Variants in ADAM28 observed in about 807,000 individuals in gnomAD.
ADAM28 encodes the protein disintegrin and metalloproteinase domain-containing protein 28.
ADAM28 carries 105 observed loss-of-function variants against 101.2 expected under a neutral mutation model. The observed-to-expected ratio is 1.04, with a 90% CI of 0.89 to 1.22. The LOEUF (loss-of-function observed/expected upper bound fraction) is 1.22, where lower values mean the gene tolerates loss of function less well. Among genes scored for constraint, ADAM28 ranks in the 50% most tolerant of loss-of-function variants. The probability of loss-of-function intolerance (pLI) is 0.00; values close to 1 mark genes in which losing one functional copy is unlikely to be tolerated. For missense variants in ADAM28, 1,028 were observed against 945.4 expected (o/e 1.09, Z -1.15); for synonymous variants, 322 against 310.6 (o/e 1.04, Z -0.39).
intron 15 of ADAM28, among the ~76,000 whole-genome samples, chr8:24,340,705 C>T (rs1224571980): frequency 1.3e-5 from 2 of 152,098 alleles, no homozygotes; most frequent in African/African-American, 4.8e-5. Context: ...TCCTTTATCG[C>T]TTTACCTAAG....
chr8:24,312,742 T>G (rs1383075366), intron 5 of ADAM28, among the ~76,000 whole-genome samples: 5 of 151,830 alleles, frequency 3.3e-5, no homozygotes, highest in Admixed American at 6.6e-5. Context: ...TGTCTTTATT[T>G]TTGCTGTCTA....
chr8:24,316,811 A>G (rs11991134), intron 6 of ADAM28, among the ~76,000 whole-genome samples: 27,790 of 151,926 alleles, frequency 0.18, 2,730 homozygotes, highest in East Asian at 0.34. Context: ...TCTACCTGTA[A>G]AAAACCCTAA....
intron 2 of ADAM28, among the ~76,000 whole-genome samples, chr8:24,303,962 T>C: frequency 6.6e-6 from 1 of 152,012 alleles, no homozygotes; most frequent in East Asian, 1.9e-4. Flanking sequence ...TGTGGAAATT[T>C]ACACTAATTA....
chr8:24,353,034 A>G (rs945212988), intron 21 of ADAM28, among the ~76,000 whole-genome samples: 2 of 152,148 alleles, frequency 1.3e-5, no homozygotes, highest in Non-Finnish European at 2.9e-5. Context: ...TTAACTTGAA[A>G]TATCACAGCA....
At position 24,335,608 on chromosome 8, in the gene ADAM28, C is replaced by G. The variant is rs1563311782; in HGVS notation, c.1534C>G (p.Leu512Val). 1 of 1,612,962 alleles carries G rather than the reference C, an allele frequency of 6.2e-7. No homozygotes were observed. Among genetic ancestry groups the G allele is most frequent in the Non-Finnish European group, 8.5e-7 (1 of 1,179,394 alleles). Residue 512 changes from leucine (L) to valine (V), a missense_variant, in exon 14 of 23, where the codon CTG (leucine) becomes GTG (valine). Coordinates refer to ENST00000265769, the MANE Select transcript of ADAM28 (RefSeq NM_014265.6). The stretch of plus-strand genomic sequence containing the variant: ...CTGCTTGATGGGGACATGCCCCACA[C>G]TGCAGGAGCAGTGCACAGAGCTGTG... ...GHCLMGTCPT[L>V]QEQCTELWGP...
At chr8:24,350,079 A>G (rs1192348646) in intron 19 of ADAM28, 107 bp downstream of exon 19, 9 of 924,278 alleles carry the variant, frequency 9.7e-6, no homozygotes, top group Non-Finnish European at 1.4e-5. Context: ...TTTACTTCTA[A>G]TATTCAGAAA....
intron 1 of ADAM28, among the ~76,000 whole-genome samples, chr8:24,297,386 G>A (rs890994751): frequency 6.6e-6 from 1 of 152,162 alleles, no homozygotes; most frequent in Non-Finnish European, 1.5e-5. Flanking sequence ...GTGTTGGCTA[G>A]ATGAGCCTGT....
At chr8:24,298,468 T>C (rs1412795672) in intron 1 of ADAM28, among the ~76,000 whole-genome samples, 1 of 152,174 alleles carries the variant, frequency 6.6e-6, no homozygotes, top group African/African-American at 2.4e-5. Context: ...TGAAGAAAAC[T>C]TTAAACAATG....
rs1816720347 is a variant in ADAM28 at position 24,356,853 on chromosome 8, TTAC to T, written c.*2451_*2453del. The T allele has an allele frequency of 6.6e-6, 1 of 152,200 alleles. No individual in the cohort carries two copies. Among genetic ancestry groups the T allele is most frequent in the African/African-American group, 2.4e-5 (1 of 41,456 alleles). The allele number at this position is 152,200 out of a possible 1,614,324, so 9.4% of individuals were successfully genotyped here. ...TGTCTACTTATTACAACTCACCAAATTACTGGTTTTATATGGCCTTTGGGAAGG... is the reference window on the plus strand; with the variant it reads ...TGTCTACTTATTACAACTCACCAAATTGGTTTTATATGGCCTTTGGGAAGG... On this transcript the variant is annotated 3_prime_UTR_variant, in exon 23 of 23. Transcript: ENST00000265769.
chr8:24,317,595 A>C (rs1811326312), intron 6 of ADAM28, among the ~76,000 whole-genome samples: 1 of 152,102 alleles, frequency 6.6e-6, no homozygotes, highest in Admixed American at 6.6e-5. Flanking sequence ...AAGAAAATAG[A>C]GGGGAAAAGC....
chr8:24,324,172 AAG>A (rs1812248217), intron 9 of ADAM28, among the ~76,000 whole-genome samples, 169 bp downstream of exon 9: 1 of 151,856 alleles, frequency 6.6e-6, no homozygotes, highest in Non-Finnish European at 1.5e-5. Flanking sequence ...TTTTTAAAAA[AAG>A]AGAGGGTCAA....
intron 2 of ADAM28, among the ~76,000 whole-genome samples, chr8:24,300,633 T>G (rs1381558603): frequency 1.3e-5 from 2 of 151,996 alleles, no homozygotes; most frequent in Non-Finnish European, 2.9e-5. Flanking sequence ...AGCCAGGATG[T>G]TTTCTATCTC....
intron 1 of ADAM28, chr8:24,296,248 A>G (rs1807949162): frequency 6.6e-6 from 1 of 152,176 alleles, no homozygotes; most frequent in Admixed American, 6.5e-5. Context: ...GGTAACTGGA[A>G]GACTGAAAAG....
At chr8:24,309,454 CA>C (rs1191795375) in intron 2 of ADAM28, among the ~76,000 whole-genome samples, 1 of 152,116 alleles carries the variant, frequency 6.6e-6, no homozygotes, top group African/African-American at 2.4e-5. Flanking sequence ...ATTACTTCCT[CA>C]AAAAAGCCTT....
chr8:24,305,111 GT>G (rs973619078), intron 2 of ADAM28, among the ~76,000 whole-genome samples: 5 of 141,996 alleles, frequency 3.5e-5, no homozygotes, highest in South Asian at 2.1e-4. Flanking sequence ...CTACTTCTAT[GT>G]TTTTTTTAAT....
rs1443937808 is a variant in ADAM28, at chr8:24,356,725, C to T, written c.*2321C>T. On this transcript the variant is annotated 3_prime_UTR_variant, in exon 23 of 23. Transcript: ENST00000265769. ...TAACTACCTCAGATATGCCACCAAACCTGTTTTCATCATTAGTTATTTTTA... is the reference window on the plus strand; with the variant it reads ...TAACTACCTCAGATATGCCACCAAATCTGTTTTCATCATTAGTTATTTTTA... 6.6e-6 allele frequency: 1 copy of T among 152,120 alleles called. No individual in the cohort carries two copies. The highest frequency in any genetic ancestry group is 6.6e-5 in the Admixed American group (1 of 15,256). 9.4% of individuals were successfully genotyped at this position (152,120 alleles called of 1,614,324 possible).
In ADAM28 at chr8:24,313,568, C is replaced by T. The variant is rs1363332769; in HGVS notation, c.564C>T (p.Ala188=). The T allele has an allele frequency of 1.9e-6, 3 of 1,613,438 alleles. No individual in the cohort carries two copies. The highest frequency in any genetic ancestry group is 2.2e-5 in the South Asian group (2 of 91,004). Reference sequence around the variant, plus strand: ...TGCAGCAGAACATTGCCCTACCTGCCACCAAACTAGTAGTATGTGTAACTT... The same window carrying T: ...TGCAGCAGAACATTGCCCTACCTGCTACCAAACTAGTAGTATGTGTAACTT... ...HDLQQNIALP[A]TKLVKLKDRK... Residue 188 remains alanine (A), a synonymous_variant, in exon 6 of 23, where the codon GCC becomes GCT. Coordinates refer to ENST00000265769, the MANE Select transcript of ADAM28 (RefSeq NM_014265.6).
intron 2 of ADAM28, among the ~76,000 whole-genome samples, chr8:24,306,382 A>T (rs1809673718): frequency 7.3e-6 from 1 of 137,650 alleles, no homozygotes; most frequent in Non-Finnish European, 1.5e-5. Flanking sequence ...ATATATATAT[A>T]TATTTAAAAA....
In ADAM28 at chr8:24,321,235, GA is replaced by G. The variant is rs756214217; in HGVS notation, c.668del (p.Asn223IlefsTer29). 1 of 1,604,850 alleles carries G rather than the reference GA, an allele frequency of 6.2e-7. No homozygotes were observed. The highest frequency in any genetic ancestry group is 1.7e-5 in the Admixed American group (1 of 59,816). On this transcript the variant is annotated frameshift_variant, in exon 8 of 23. Transcript: ENST00000265769. LOFTEE classifies it high-confidence loss of function. ...DNGEFKRYNE[N>X]QDEIRKRVFE... ...TCTTTTAGTTTAAAAGGTACAATGA[GA>G]ATCAAGATGAGATCAGAAAGAGGGT...
Sources: allele counts gnomAD v4.1 joint callset (sites outside exome capture counted in the v4.1 genomes callset), GRCh38; gene constraint gnomAD v4.1.1; transcripts MANE v1.5; gene names NCBI Gene and HGNC (gene_info 2026-07-23, HGNC 2026-07-21).